The following TSPAN18 variants were observed in gnomAD, a reference collection of about 807,000 sequenced individuals.
The protein encoded by TSPAN18 is tetraspanin-18.
Under a neutral mutation model 27.3 loss-of-function variants are expected in TSPAN18, and 14 were observed. The observed-to-expected ratio is 0.51, with a 90% CI of 0.34 to 0.80. TSPAN18 has a LOEUF of 0.80. Among genes scored for constraint, TSPAN18 ranks in the 30% least tolerant of loss-of-function variants. The pLI is 0.01. For missense variants in TSPAN18, 268 were observed against 323.9 expected (o/e 0.83, Z 1.32); for synonymous variants, 143 against 136.5 (o/e 1.05, Z -0.33).
At chr11:44,730,509 A>G (rs1450098898) in intron 1 of TSPAN18, among the ~76,000 whole-genome samples, 2 of 152,056 alleles carry the variant, frequency 1.3e-5, no homozygotes, top group Non-Finnish European at 2.9e-5. Context: ...AGGCGTTTCT[A>G]CCACCTGATG....
intron 3 of TSPAN18, among the ~76,000 whole-genome samples, chr11:44,878,255 G>A (rs532413406): frequency 3.9e-5 from 6 of 152,176 alleles, no homozygotes; most frequent in African/African-American, 1.2e-4. Context: ...CTGGCTGGCC[G>A]GGCGTGTAAG....
At chr11:44,923,813 C>T (rs1860237457) in intron 8 of TSPAN18, among the ~76,000 whole-genome samples, 1 of 152,174 alleles carries the variant, frequency 6.6e-6, no homozygotes, top group Non-Finnish European at 1.5e-5. Flanking sequence ...TGGGTGGTGG[C>T]ATCCTGTCCA....
intron 3 of TSPAN18, among the ~76,000 whole-genome samples, chr11:44,898,083 G>T (rs1859128282): frequency 6.6e-6 from 1 of 152,176 alleles, no homozygotes; most frequent in Admixed American, 6.5e-5. Flanking sequence ...CTATGTGCCA[G>T]GCACTGCTCC....
intron 2 of TSPAN18, among the ~76,000 whole-genome samples, chr11:44,849,739 A>G (rs1370657690): frequency 6.6e-6 from 1 of 152,196 alleles, no homozygotes; most frequent in Non-Finnish European, 1.5e-5. Flanking sequence ...TGATGAGGAA[A>G]GCACAGGCCA....
chr11:44,816,283 G>T (rs1565162594), intron 2 of TSPAN18, among the ~76,000 whole-genome samples: 1 of 152,242 alleles, frequency 6.6e-6, no homozygotes, highest in East Asian at 1.9e-4. Context: ...GAACCAGGAG[G>T]CAGTTGCATG....
intron 3 of TSPAN18, among the ~76,000 whole-genome samples, chr11:44,896,989 C>T (rs1019939002): frequency 1.3e-5 from 2 of 152,150 alleles, no homozygotes; most frequent in African/African-American, 4.8e-5. Context: ...CCTTCACTGA[C>T]CCCAGGCAGG....
intron 2 of TSPAN18, among the ~76,000 whole-genome samples, chr11:44,834,547 A>G (rs1857225039): frequency 6.6e-6 from 1 of 152,112 alleles, no homozygotes; most frequent in Admixed American, 6.5e-5. Flanking sequence ...TGCTAAATGC[A>G]TTTCCCCAGC....
chr11:44,856,475 C>G (rs778582796), intron 2 of TSPAN18, among the ~76,000 whole-genome samples: 1 of 152,120 alleles, frequency 6.6e-6, no homozygotes, highest in African/African-American at 2.4e-5. Flanking sequence ...TTCCAATCTT[C>G]CCCTTCCTCC....
At chr11:44,731,497 G>A (rs1854652723) in intron 1 of TSPAN18, among the ~76,000 whole-genome samples, 2 of 152,054 alleles carry the variant, frequency 1.3e-5, no homozygotes, top group Non-Finnish European at 2.9e-5. Flanking sequence ...TGCTCAATAA[G>A]TGTTCACTAT....
At chr11:44,749,632 CTTTTTTT>C (rs71894571) in intron 1 of TSPAN18, among the ~76,000 whole-genome samples, 32 of 110,442 alleles carry the variant, frequency 2.9e-4, no homozygotes, top group African/African-American at 6.8e-4. Context: ...GTGGAACTTT[CTTTTTTT>C]TTTTTTTTTT....
intron 2 of TSPAN18, among the ~76,000 whole-genome samples, chr11:44,814,579 C>G (rs1336820318): frequency 2.0e-5 from 3 of 152,108 alleles, no homozygotes; most frequent in Non-Finnish European, 2.9e-5. Flanking sequence ...TGCTATGCAC[C>G]AAGCCTGAGT....
chr11:44,838,399 C>A (rs141781320), intron 2 of TSPAN18, among the ~76,000 whole-genome samples: 227 of 152,276 alleles, frequency 1.5e-3, no homozygotes, highest in African/African-American at 5.3e-3. Flanking sequence ...ATCTCCCACC[C>A]GGTTCCTCCC....
At position 44,783,071 on chromosome 11, in the gene TSPAN18, G is replaced by T. The variant is rs182317963; in HGVS notation, c.-153+18559G>T. Among the ~76,000 whole-genome samples the T allele has an allele frequency of 4.0e-3, 608 of 152,080 alleles. 1 individual carries two copies. The highest frequency in any genetic ancestry group is 4.8e-3 in the Non-Finnish European group (323 of 67,994). ...CTCGAACTCCTGGCTCCAGTGATCC[G>T]CTTGCCTTGGCCTCCCAAAGTGCTG... On this transcript the variant is annotated intron_variant, in intron 2 of 9. Transcript: ENST00000520358.
At chr11:44,916,130 T>C (rs1332343078) in intron 5 of TSPAN18, among the ~76,000 whole-genome samples, 1 of 152,058 alleles carries the variant, frequency 6.6e-6, no homozygotes, top group Non-Finnish European at 1.5e-5. Context: ...GCCTCGGAGA[T>C]GTTTTATGTC....
chr11:44,826,508 G>C (rs931609200), intron 2 of TSPAN18, among the ~76,000 whole-genome samples: 1 of 152,170 alleles, frequency 6.6e-6, no homozygotes, highest in Non-Finnish European at 1.5e-5. Flanking sequence ...GTCTATCGCC[G>C]GCAGGTACCA....
intron 3 of TSPAN18, chr11:44,903,873 C>A (rs1270943746): frequency 2.2e-6 from 1 of 456,714 alleles, no homozygotes; most frequent in East Asian, 6.9e-5. Flanking sequence ...TCGCCTCTGT[C>A]TGACTCAGTT....
chr11:44,836,173 T>G (rs1380084971), intron 2 of TSPAN18, among the ~76,000 whole-genome samples: 1 of 152,130 alleles, frequency 6.6e-6, no homozygotes, highest in African/African-American at 2.4e-5. Flanking sequence ...TGCTGAAAAA[T>G]GAGACAGGCC....
intron 7 of TSPAN18, chr11:44,919,596 G>A: frequency 1.6e-6 from 1 of 614,440 alleles, no homozygotes; most frequent in Non-Finnish European, 2.9e-6. Flanking sequence ...AGCGCCTGGT[G>A]AGGTAGGAAT....
chr11:44,819,530 G>A (rs1182805117), intron 2 of TSPAN18, among the ~76,000 whole-genome samples: 1 of 152,148 alleles, frequency 6.6e-6, no homozygotes. Flanking sequence ...TTATTATGGT[G>A]CACACTGGCA....
Sources: allele counts gnomAD v4.1 joint callset (sites outside exome capture counted in the v4.1 genomes callset), GRCh38; gene constraint gnomAD v4.1.1; transcripts MANE v1.5; gene names NCBI Gene and HGNC (gene_info 2026-07-23, HGNC 2026-07-21).